TIAM1: variants seen among roughly 807,000 people sequenced by gnomAD.
TIAM1 encodes rho guanine nucleotide exchange factor TIAM1.
A neutral mutation model predicts 163.5 loss-of-function variants in TIAM1; 65 were observed. The ratio of observed to expected loss-of-function variants is 0.40; its 90% CI spans 0.33 to 0.49. The LOEUF is 0.49. Among genes scored for constraint, TIAM1 ranks in the 20% least tolerant of loss-of-function variants. The pLI is 0.77. For missense variants in TIAM1, 1,789 were observed against 2,044.7 expected (o/e 0.87, Z 2.41); for synonymous variants, 833 against 810.1 (o/e 1.03, Z -0.48).
intron 2 of TIAM1, among the ~76,000 whole-genome samples, chr21:31,334,068 C>T (rs916541448): frequency 1.3e-5 from 2 of 152,212 alleles, no homozygotes; most frequent in Non-Finnish European, 2.9e-5. Flanking sequence ...TTCCAATCAA[C>T]GCTTATGGCT....
chr21:31,162,242 T>G (rs941546347), intron 16 of TIAM1, among the ~76,000 whole-genome samples: 1 of 152,154 alleles, frequency 6.6e-6, no homozygotes, highest in African/African-American at 2.4e-5. Context: ...TAATAGTATC[T>G]CCCTCAAGAG....
At chr21:31,236,846 C>A (rs1331087089) in intron 6 of TIAM1, among the ~76,000 whole-genome samples, 1 of 152,144 alleles carries the variant, frequency 6.6e-6, no homozygotes, top group Admixed American at 6.5e-5. Context: ...AGCGCCTGGG[C>A]ACGCTTACAA....
chr21:31,450,203 T>C (rs922359927), intron 2 of TIAM1, among the ~76,000 whole-genome samples: 6 of 152,132 alleles, frequency 3.9e-5, no homozygotes, highest in Admixed American at 1.3e-4. Flanking sequence ...CTGTATCCTA[T>C]CATAACTGGA....
intron 2 of TIAM1, among the ~76,000 whole-genome samples, chr21:31,450,072 G>A (rs745661842): frequency 7.9e-5 from 12 of 152,234 alleles, no homozygotes; most frequent in South Asian, 4.2e-4. Context: ...CTCGTGAATC[G>A]TGCAGCTGCA....
intron 5 of TIAM1, among the ~76,000 whole-genome samples, chr21:31,247,987 C>A (rs2071596387): frequency 6.6e-6 from 1 of 152,128 alleles, no homozygotes. Flanking sequence ...GGTGACCTTT[C>A]TGGTTGTCAC....
intron 20 of TIAM1, among the ~76,000 whole-genome samples, chr21:31,143,893 AT>A (rs952851008): frequency 7.7e-4 from 113 of 146,300 alleles, no homozygotes; most frequent in Middle Eastern, 3.6e-3. Context: ...GGTCTGGCTA[AT>A]TTTTTTTTTT....
Position 31,120,731 on chromosome 21 carries a change from G to C in TIAM1, c.4413C>G (p.Ser1471=). 1 of 1,613,966 alleles carries C rather than the reference G, an allele frequency of 6.2e-7. No homozygotes were observed. Among genetic ancestry groups the C allele is most frequent in the Non-Finnish European group, 8.5e-7 (1 of 1,179,998 alleles). The change falls in exon 28 of 28, where the codon TCC becomes TCG. Residue 1471 remains serine, a synonymous_variant. Transcript: ENST00000541036. This position sits in a 1 kb window ranked among gnomAD's most constrained non-coding sequence, Gnocchi z 4.2. The part of the protein sequence containing the change: ...AVSASSPEKE[S]QQPPGGGDTD... Reference sequence around the variant, plus strand: ...TGTCCCCACCACCGGGGGGCTGCTGGGACTCTTTCTCCGGGCTGCTTGCGG... The same window carrying C: ...TGTCCCCACCACCGGGGGGCTGCTGCGACTCTTTCTCCGGGCTGCTTGCGG...
intron 15 of TIAM1, among the ~76,000 whole-genome samples, chr21:31,172,523 G>C (rs1381286414): frequency 1.3e-5 from 2 of 152,136 alleles, no homozygotes; most frequent in East Asian, 3.9e-4. Flanking sequence ...CTGAAGATAA[G>C]GCTCAGTCGT....
At chr21:31,450,269 A>G (rs2044777811) in intron 2 of TIAM1, among the ~76,000 whole-genome samples, 1 of 152,148 alleles carries the variant, frequency 6.6e-6, no homozygotes, top group South Asian at 2.1e-4. Flanking sequence ...TACAGAAACA[A>G]CAGTGCCTCT....
intron 1 of TIAM1, among the ~76,000 whole-genome samples, chr21:31,539,606 T>C (rs2048256018): frequency 6.6e-6 from 1 of 152,114 alleles, no homozygotes; most frequent in Non-Finnish European, 1.5e-5. Context: ...CTGCTCAGTT[T>C]AGCAGAGTCA....
chr21:31,411,471 CTTT>C (rs11362012), intron 2 of TIAM1, among the ~76,000 whole-genome samples: 32 of 102,682 alleles, frequency 3.1e-4, no homozygotes, highest in Admixed American at 4.3e-4. Flanking sequence ...TCCCAAGAAA[CTTT>C]TTTTTTTTTT....
At chr21:31,325,394 G>A (rs1184058693) in intron 2 of TIAM1, among the ~76,000 whole-genome samples, 5 of 150,830 alleles carry the variant, frequency 3.3e-5, no homozygotes, top group Non-Finnish European at 5.9e-5. Flanking sequence ...GGGGCCAGGT[G>A]CAGTGGCTCA....
chr21:31,155,500 A>G (rs1169984365), intron 16 of TIAM1, among the ~76,000 whole-genome samples: 1 of 151,740 alleles, frequency 6.6e-6, no homozygotes, highest in African/African-American at 2.4e-5. Context: ...TTTGATGGAA[A>G]TTTTCTTACT....
intron 10 of TIAM1, among the ~76,000 whole-genome samples, chr21:31,211,863 C>T (rs999244405): frequency 4.6e-5 from 7 of 152,172 alleles, no homozygotes; most frequent in Non-Finnish European, 8.8e-5. Context: ...GGGAGAAAGA[C>T]GTACCTTAGA....
At chr21:31,214,044 G>C (rs1374014666) in intron 9 of TIAM1, among the ~76,000 whole-genome samples, 2 of 151,770 alleles carry the variant, frequency 1.3e-5, no homozygotes, top group East Asian at 3.9e-4. Flanking sequence ...AAGACAATAG[G>C]TTAGGCGTGG....
Position 31,130,941 on chromosome 21 carries a change from T to C in TIAM1, c.3891A>G (p.Lys1297=), listed in dbSNP as rs1431908977. The C allele has an allele frequency of 6.2e-7, 1 of 1,613,868 alleles. No individual in the cohort carries two copies. Among genetic ancestry groups the C allele is most frequent in the Non-Finnish European group, 8.5e-7 (1 of 1,179,934 alleles). The change falls in exon 24 of 28, where the codon AAA becomes AAG. Residue 1297 remains lysine, a synonymous_variant. Coordinates refer to ENST00000541036, the MANE Select transcript of TIAM1 (RefSeq NM_001353694.2). ...CTTTATACACAAGGACCACAGCAGT[T>C]TTGAAGACTGGAAAAAATAAAATAA... ...KEPELAAFVF[K]TAVVLVYKDG...
At chr21:31,272,249 GA>G (rs1421582371) in intron 3 of TIAM1, among the ~76,000 whole-genome samples, 2 of 152,016 alleles carry the variant, frequency 1.3e-5, no homozygotes, top group African/African-American at 2.4e-5. Context: ...TGCTGAAAGT[GA>G]AAAACAAAAT....
intron 2 of TIAM1, among the ~76,000 whole-genome samples, chr21:31,331,221 G>T (rs2075668802): frequency 6.6e-6 from 1 of 152,178 alleles, no homozygotes; most frequent in Non-Finnish European, 1.5e-5. Flanking sequence ...TCTGGACACA[G>T]GAGTAGAAAT....
At chr21:31,185,545 T>C (rs1450765319) in intron 14 of TIAM1, among the ~76,000 whole-genome samples, 2 of 130,340 alleles carry the variant, frequency 1.5e-5, no homozygotes, top group Non-Finnish European at 3.0e-5. Flanking sequence ...TATGCCATTA[T>C]ATATTATATA....
Sources: gnomAD v4.1 joint callset for allele counts (sites outside exome capture counted in the v4.1 genomes callset) on GRCh38, gnomAD v4.1.1 for gene constraint, Gnocchi (gnomAD v3.1) non-coding constraint, MANE v1.5 for transcripts, NCBI Gene and HGNC (gene_info 2026-07-23, HGNC 2026-07-21) for gene names.